Variants in EPB41L5 observed in about 807,000 individuals in gnomAD.
EPB41L5 encodes the protein band 4.1-like protein 5.
Under a neutral mutation model 106.6 loss-of-function variants are expected in EPB41L5, and 55 were observed. The ratio of observed to expected loss-of-function variants is 0.52; its 90% CI spans 0.42 to 0.65. EPB41L5 has a LOEUF of 0.65. EPB41L5 is among the 30% of genes least tolerant of loss of function. The pLI is 0.00. For synonymous variants in EPB41L5, 297 were observed against 306.7 expected (o/e 0.97, Z 0.33); for missense variants, 871 against 882.1 (o/e 0.99, Z 0.16).
chr2:120,164,115 T>TGC (rs1202789605), intron 21 of EPB41L5, among the ~76,000 whole-genome samples: 1 of 151,396 alleles, frequency 6.6e-6, no homozygotes, highest in East Asian at 1.9e-4. Context: ...CTCGAGTAGC[T>TGC]GGGACTATAG....
At chr2:120,091,061 A>G (rs1373925138) in intron 12 of EPB41L5, among the ~76,000 whole-genome samples, 5 of 152,326 alleles carry the variant, frequency 3.3e-5, no homozygotes, top group African/African-American at 7.2e-5. Flanking sequence ...GTGTGGAGTT[A>G]ATAGAAGTAG....
intron 2 of EPB41L5, among the ~76,000 whole-genome samples, chr2:120,028,304 G>C (rs1462994722): frequency 1.3e-5 from 2 of 152,110 alleles, no homozygotes. Context: ...GAGAGGCCAG[G>C]GTGGGAGGAT....
intron 11 of EPB41L5, among the ~76,000 whole-genome samples, chr2:120,090,082 G>T (rs1170469970): frequency 6.6e-6 from 1 of 151,594 alleles, no homozygotes; most frequent in African/African-American, 2.4e-5. Context: ...CCAAATAATG[G>T]CAGATAAAAT....
intron 10 of EPB41L5, among the ~76,000 whole-genome samples, chr2:120,081,418 T>A: frequency 6.6e-6 from 1 of 152,224 alleles, no homozygotes; most frequent in South Asian, 2.1e-4. Flanking sequence ...TGGATGGTTG[T>A]AGATGTGTGG....
chr2:120,173,273 C>T (rs1300833172), intron 24 of EPB41L5, among the ~76,000 whole-genome samples: 1 of 152,132 alleles, frequency 6.6e-6, no homozygotes, highest in East Asian at 1.9e-4. Flanking sequence ...GATTGTGGGG[C>T]TGGGGAGAGG....
At chr2:120,114,527 A>G (rs773215637) in intron 16 of EPB41L5, among the ~76,000 whole-genome samples, 57 of 152,148 alleles carry the variant, frequency 3.7e-4, no homozygotes, top group Non-Finnish European at 6.6e-4. Context: ...TATTAAGTGC[A>G]TTTTCAATTT....
At chr2:120,106,050 T>C (rs1900235) in intron 16 of EPB41L5, 688,546 of 984,264 alleles carry the variant, frequency 0.7, 243,618 homozygotes, top group Middle Eastern at 0.73. Flanking sequence ...TAGCAGATTG[T>C]AATTGAAGAG....
intron 16 of EPB41L5, among the ~76,000 whole-genome samples, chr2:120,111,934 A>C (rs1477712885): frequency 6.6e-6 from 1 of 152,076 alleles, no homozygotes; most frequent in Non-Finnish European, 1.5e-5. Context: ...AAACATACCA[A>C]GCATGTTCTC....
chr2:120,060,627 T>C (rs1574561495), intron 3 of EPB41L5, among the ~76,000 whole-genome samples: 1 of 151,854 alleles, frequency 6.6e-6, no homozygotes, highest in South Asian at 2.1e-4. Context: ...GTTGGGGGAG[T>C]GGTGACTATA....
intron 1 of EPB41L5, 33 bp downstream of exon 1, chr2:120,013,243 A>G (rs1482519630): frequency 1.3e-5 from 2 of 152,302 alleles, no homozygotes; most frequent in Non-Finnish European, 2.9e-5. Flanking sequence ...GCGCCGCAGT[A>G]CAGTCCGCTG....
intron 3 of EPB41L5, among the ~76,000 whole-genome samples, chr2:120,055,514 A>G: frequency 8.7e-6 from 1 of 115,434 alleles, no homozygotes; most frequent in Non-Finnish European, 1.7e-5. Flanking sequence ...TTTGAGACAG[A>G]GTCTTGCTCT....
At chr2:120,096,490 T>C (rs1480605963) in intron 14 of EPB41L5, among the ~76,000 whole-genome samples, 1 of 152,154 alleles carries the variant, frequency 6.6e-6, no homozygotes, top group Non-Finnish European at 1.5e-5. Context: ...GCTATGTTTT[T>C]CAGAAAAGTA....
intron 20 of EPB41L5, among the ~76,000 whole-genome samples, chr2:120,156,276 G>A (rs556900509): frequency 9.9e-5 from 15 of 152,260 alleles, no homozygotes; most frequent in Non-Finnish European, 2.1e-4. Context: ...AGCCTCTGGC[G>A]TCCTTGGAGC....
chr2:120,054,011 C>T (rs187629156), intron 3 of EPB41L5, among the ~76,000 whole-genome samples: 3 of 152,290 alleles, frequency 2.0e-5, no homozygotes, highest in Non-Finnish European at 4.4e-5. Flanking sequence ...GGCACCATTC[C>T]ACACTCCCTA....
chr2:120,120,339 G>A (rs1685153838), intron 16 of EPB41L5, among the ~76,000 whole-genome samples: 2 of 151,406 alleles, frequency 1.3e-5, no homozygotes, highest in Admixed American at 1.3e-4. Flanking sequence ...GGCTGAGACA[G>A]GAGAATCGCT....
chr2:120,131,177 A>G (rs977406747), intron 17 of EPB41L5, among the ~76,000 whole-genome samples: 4 of 152,216 alleles, frequency 2.6e-5, no homozygotes, highest in Non-Finnish European at 4.4e-5. Context: ...TATATTCTTC[A>G]TTAGTTTGTT....
intron 20 of EPB41L5, 190 bp from the exon 21 acceptor site, chr2:120,160,691 C>G: frequency 1.8e-6 from 1 of 544,348 alleles, no homozygotes; most frequent in Non-Finnish European, 3.3e-6. Flanking sequence ...TATTAAAAAA[C>G]CATTTTAACT....
intron 1 of EPB41L5, among the ~76,000 whole-genome samples, chr2:120,016,283 A>G (rs1677521797): frequency 6.6e-6 from 1 of 152,096 alleles, no homozygotes; most frequent in South Asian, 2.1e-4. Context: ...CACAAAAATT[A>G]GCTGGGCGTG....
intron 2 of EPB41L5, among the ~76,000 whole-genome samples, chr2:120,041,135 A>G (rs1229951618): frequency 6.6e-6 from 1 of 152,124 alleles, no homozygotes; most frequent in African/African-American, 2.4e-5. Flanking sequence ...TGTTAACGTA[A>G]TATAAAACAT....
Sources: allele counts gnomAD v4.1 joint callset (sites outside exome capture counted in the v4.1 genomes callset), GRCh38; gene constraint gnomAD v4.1.1; transcripts MANE v1.5; gene names NCBI Gene and HGNC (gene_info 2026-07-23, HGNC 2026-07-21).